Variants in WNT8B observed in about 807,000 individuals in gnomAD.
The protein encoded by WNT8B is protein Wnt-8b.
A neutral mutation model predicts 36.6 loss-of-function variants in WNT8B; 24 were observed. The observed-to-expected ratio is 0.66, with a 90% confidence interval of 0.48 to 0.92. The LOEUF (loss-of-function observed/expected upper bound fraction) is 0.92, where lower values mean the gene tolerates loss of function less well. Among genes scored for constraint, WNT8B ranks in the 40% least tolerant of loss-of-function variants. The pLI is 0.00. For missense variants in WNT8B, 402 were observed against 470.8 expected (o/e 0.85, Z 1.35); for synonymous variants, 199 against 189.8 (o/e 1.05, Z -0.40).
At chr10:100,466,570 G>T (rs1850909200) in intron 1 of WNT8B, among the ~76,000 whole-genome samples, 1 of 152,128 alleles carries the variant, frequency 6.6e-6, no homozygotes, top group African/African-American at 2.4e-5. Flanking sequence ...AAACCAGTTT[G>T]TGTGAGTGAC....
chr10:100,479,022 T>C (rs372470593), intron 1 of WNT8B, 30 bp from the exon 2 acceptor site: 87 of 1,582,824 alleles, frequency 5.5e-5, no homozygotes, highest in Non-Finnish European at 2.5e-5. Flanking sequence ...CTGCATTATA[T>C]TCTGTTTTTG....
chr10:100,479,497 G>A (rs1851082310), intron 2 of WNT8B, among the ~76,000 whole-genome samples: 3 of 152,166 alleles, frequency 2.0e-5, no homozygotes, highest in Admixed American at 6.5e-5. Context: ...GTCATGTGAT[G>A]AGAACTCCTT....
At chr10:100,469,603 A>G (rs972757021) in intron 1 of WNT8B, among the ~76,000 whole-genome samples, 1 of 152,256 alleles carries the variant, frequency 6.6e-6, no homozygotes, top group Non-Finnish European at 1.5e-5. Context: ...TCCAAGTTCA[A>G]TCCCCTCAGG....
At chr10:100,481,209 ATTC>A in intron 4 of WNT8B, 86 bp downstream of exon 4, 1 of 1,515,096 alleles carries the variant, frequency 6.6e-7, no homozygotes, top group Non-Finnish European at 8.9e-7. Flanking sequence ...GAAGAGCTGT[ATTC>A]TTCTAAATAT....
At chr10:100,479,769 T>G in intron 2 of WNT8B, 105 bp from the exon 3 acceptor site, 3 of 1,393,800 alleles carry the variant, frequency 2.2e-6, no homozygotes, top group Non-Finnish European at 2.9e-6. Flanking sequence ...GCTTACTCCA[T>G]TATTTTGGAG....
chr10:100,471,763 G>A (rs936087986), intron 1 of WNT8B, among the ~76,000 whole-genome samples: 6 of 152,124 alleles, frequency 3.9e-5, no homozygotes, highest in Admixed American at 6.5e-5. Flanking sequence ...TTCAGTCTCT[G>A]TTTCTGTAAA....
intron 1 of WNT8B, among the ~76,000 whole-genome samples, chr10:100,477,290 CATTT>C (rs1439400009): frequency 6.6e-6 from 1 of 151,500 alleles, no homozygotes; most frequent in Non-Finnish European, 1.5e-5. Flanking sequence ...ATTTTTTATT[CATTT>C]ATTTATTTAT....
chr10:100,482,640 T>C lies in WNT8B; in HGVS notation c.880T>C (p.Cys294Arg). Residue 294 changes from cysteine (C) to arginine (R), a missense_variant, in exon 6 of 6, where the codon TGC becomes CGC. Coordinates refer to ENST00000343737, the MANE Select transcript of WNT8B (RefSeq NM_003393.4). This position sits in a 1 kb window ranked among gnomAD's most constrained non-coding sequence, Gnocchi z 6.6. ...CAGCTGCCGCCGGCTCTGCGGGGAC[T>C]GCGGGCTGGCGGTGGAGGAGCGCCG... ...RRSCRRLCGD[C>R]GLAVEERRAE... The C allele has an allele frequency of 2.5e-6, 4 of 1,604,810 alleles. No individual in the cohort carries two copies. The highest frequency in any genetic ancestry group is 3.4e-6 in the Non-Finnish European group (4 of 1,178,260).
At chr10:100,477,425 G>A (rs2133656187) in intron 1 of WNT8B, among the ~76,000 whole-genome samples, 1 of 151,688 alleles carries the variant, frequency 6.6e-6, no homozygotes, top group East Asian at 2.0e-4. Context: ...TTAGCCTCCT[G>A]AGTAGCTGGA....
At chr10:100,472,944 T>C (rs1445967101) in intron 1 of WNT8B, among the ~76,000 whole-genome samples, 2 of 152,248 alleles carry the variant, frequency 1.3e-5, no homozygotes, top group African/African-American at 2.4e-5. Context: ...GTGGGAGCAC[T>C]GGCTTGCCAC....
chr10:100,470,845 G>A (rs756533002), intron 1 of WNT8B, among the ~76,000 whole-genome samples: 15 of 152,088 alleles, frequency 9.9e-5, no homozygotes, highest in South Asian at 4.2e-4. Flanking sequence ...AGGTTCAAGC[G>A]GATTCTCCTG....
At chr10:100,467,456 A>C (rs563008400) in intron 1 of WNT8B, among the ~76,000 whole-genome samples, 4 of 152,118 alleles carry the variant, frequency 2.6e-5, no homozygotes, top group Admixed American at 1.3e-4. Flanking sequence ...CCATAGATGA[A>C]ATTCTTATAC....
At chr10:100,470,152 G>C (rs1406193781) in intron 1 of WNT8B, among the ~76,000 whole-genome samples, 1 of 152,030 alleles carries the variant, frequency 6.6e-6, no homozygotes, top group Non-Finnish European at 1.5e-5. Flanking sequence ...ATTTTTTTAA[G>C]GCAGGATCTC....
Position 100,481,926 on chromosome 10 carries a change from C to T in WNT8B, c.382C>T (p.Leu128=). The change falls in exon 5 of 6, where the codon CTG becomes TTG. Residue 128 remains leucine (L), a synonymous_variant. Coordinates refer to ENST00000343737, the MANE Select transcript of WNT8B (RefSeq NM_003393.4). ...RNGQLGGQGW[L]WGGCSDNVGF... ...CACTTTTCCAGGGGGACAAGGCTGG[C>T]TGTGGGGAGGCTGCAGTGACAATGT... 1.2e-6 allele frequency: 2 copies of T among 1,614,038 alleles called. No individual in the cohort carries two copies.
intron 1 of WNT8B, among the ~76,000 whole-genome samples, chr10:100,474,038 C>T (rs746052689): frequency 6.6e-6 from 1 of 152,076 alleles, no homozygotes; most frequent in Non-Finnish European, 1.5e-5. Context: ...GTGATGGCAG[C>T]GAGGATCAGG....
intron 1 of WNT8B, among the ~76,000 whole-genome samples, chr10:100,478,232 G>A (rs1269031834): frequency 2.0e-5 from 3 of 152,074 alleles, no homozygotes; most frequent in African/African-American, 7.2e-5. Context: ...AACGTCCCAC[G>A]GAGTCAGATG....
chr10:100,483,156 GA>G lies in WNT8B; in HGVS notation c.*342del. On this transcript the variant is annotated 3_prime_UTR_variant, in exon 6 of 6. Coordinates refer to ENST00000343737, the MANE Select transcript of WNT8B (RefSeq NM_003393.4). ...GCCTATCAAGCCTTAGGCGCTGGAAGAACCCTTCTCAGACACGCAGGACCCA... is the reference window on the plus strand; with the variant it reads ...GCCTATCAAGCCTTAGGCGCTGGAAGACCCTTCTCAGACACGCAGGACCCA... The G allele has an allele frequency of 3.9e-6, 1 of 256,946 alleles. No individual in the cohort carries two copies. Among genetic ancestry groups the G allele is most frequent in the Non-Finnish European group, 7.3e-6 (1 of 136,594 alleles). The allele number at this position is 256,946 out of a possible 1,614,324, so 15.9% of individuals were successfully genotyped here.
intron 1 of WNT8B, among the ~76,000 whole-genome samples, chr10:100,466,347 T>C (rs915848717): frequency 3.3e-5 from 5 of 152,138 alleles, no homozygotes; most frequent in African/African-American, 9.6e-5. Context: ...AGCTGCACTG[T>C]AGGAAGGCCT....
intron 1 of WNT8B, among the ~76,000 whole-genome samples, chr10:100,470,028 A>G (rs943310543): frequency 6.6e-6 from 1 of 152,214 alleles, no homozygotes; most frequent in Admixed American, 6.5e-5. Context: ...GGAGATCTAT[A>G]GTTCACATTC....
Sources: gnomAD v4.1 joint callset for allele counts (sites outside exome capture counted in the v4.1 genomes callset) on GRCh38, gnomAD v4.1.1 for gene constraint, Gnocchi (gnomAD v3.1) non-coding constraint, MANE v1.5 for transcripts, NCBI Gene and HGNC (gene_info 2026-07-23, HGNC 2026-07-21) for gene names.